CALCR: variants seen among roughly 807,000 people sequenced by gnomAD.
The protein encoded by CALCR is calcitonin receptor.
CALCR carries 47 observed loss-of-function variants against 59.5 expected under a neutral mutation model. The ratio of observed to expected loss-of-function variants is 0.79; its 90% CI spans 0.63 to 1.01. CALCR has a LOEUF of 1.01. CALCR is among the 50% of genes least tolerant of loss of function. The pLI, the probability that CALCR is intolerant of heterozygous loss-of-function variation, is 0.00. For synonymous variants in CALCR, 213 were observed against 211.3 expected (o/e 1.01, Z -0.07); for missense variants, 566 against 597.1 (o/e 0.95, Z 0.54).
At chr7:93,504,502 T>C (rs764735507) in intron 2 of CALCR, among the ~76,000 whole-genome samples, 2 of 152,088 alleles carry the variant, frequency 1.3e-5, no homozygotes, top group Non-Finnish European at 2.9e-5. Context: ...TCTTTTTCTT[T>C]CTCCCACCGT....
intron 2 of CALCR, among the ~76,000 whole-genome samples, chr7:93,508,838 T>C (rs1041156435): frequency 6.6e-6 from 1 of 152,162 alleles, no homozygotes; most frequent in African/African-American, 2.4e-5. Flanking sequence ...AAGATCTTAC[T>C]GTCCATGTAC....
intron 2 of CALCR, among the ~76,000 whole-genome samples, chr7:93,504,950 G>A (rs935845229): frequency 6.6e-6 from 1 of 152,078 alleles, no homozygotes; most frequent in Non-Finnish European, 1.5e-5. Context: ...TGAAGATGCT[G>A]CTGCAAAAAG....
chr7:93,561,812 C>G (rs1377047597), intron 2 of CALCR, among the ~76,000 whole-genome samples: 1 of 152,056 alleles, frequency 6.6e-6, no homozygotes, highest in Non-Finnish European at 1.5e-5. Context: ...GTGTGAGACC[C>G]TGAAAAATCA....
At chr7:93,537,453 C>T (rs1030115656) in intron 2 of CALCR, among the ~76,000 whole-genome samples, 4 of 151,700 alleles carry the variant, frequency 2.6e-5, no homozygotes, top group South Asian at 2.1e-4. Context: ...ATTTTTCTTT[C>T]ACTACGTTGC....
At chr7:93,519,204 A>G (rs1801708134) in intron 2 of CALCR, among the ~76,000 whole-genome samples, 1 of 152,028 alleles carries the variant, frequency 6.6e-6, no homozygotes, top group Non-Finnish European at 1.5e-5. Context: ...GTGAATTTAA[A>G]TTCTATAAAC....
intron 2 of CALCR, among the ~76,000 whole-genome samples, chr7:93,548,221 T>A (rs12670169): frequency 0.38 from 57,803 of 151,958 alleles, 12,153 homozygotes; most frequent in Non-Finnish European, 0.48. Context: ...AACAAAACAA[T>A]AGCCCACCTC....
intron 2 of CALCR, among the ~76,000 whole-genome samples, chr7:93,570,826 AT>A (rs747068070): frequency 6.6e-6 from 1 of 151,918 alleles, no homozygotes; most frequent in Non-Finnish European, 1.5e-5. Flanking sequence ...TCCCTGAAAC[AT>A]TTTTTTTCTT....
intron 7 of CALCR, among the ~76,000 whole-genome samples, chr7:93,464,134 T>C (rs1800394406): frequency 6.6e-6 from 1 of 151,556 alleles, no homozygotes; most frequent in African/African-American, 2.4e-5. Context: ...TTGTTTCAAG[T>C]TATTAGTACC....
chr7:93,456,064 C>T (rs79091104), intron 8 of CALCR, among the ~76,000 whole-genome samples: 38 of 152,184 alleles, frequency 2.5e-4, no homozygotes, highest in African/African-American at 8.2e-4. Context: ...CATTGGAAAA[C>T]GACTGTGTTA....
At chr7:93,547,874 G>T (rs931752928) in intron 2 of CALCR, among the ~76,000 whole-genome samples, 4 of 152,064 alleles carry the variant, frequency 2.6e-5, no homozygotes, top group Non-Finnish European at 2.9e-5. Flanking sequence ...GGGGTAGTTT[G>T]CCCCTAAAAA....
At chr7:93,491,036 A>G (rs1210830073) in intron 2 of CALCR, among the ~76,000 whole-genome samples, 1 of 152,102 alleles carries the variant, frequency 6.6e-6, no homozygotes, top group Non-Finnish European at 1.5e-5. Context: ...CCAAAACAGC[A>G]TGGCACTGGT....
chr7:93,477,508 A>G (rs762336728), intron 5 of CALCR, 50 bp downstream of exon 5: 1 of 1,296,892 alleles, frequency 7.7e-7, no homozygotes, highest in South Asian at 1.2e-5. Context: ...AAACCATGAA[A>G]ACTCTAAAAG....
At chr7:93,507,558 TC>T (rs1801450736) in intron 2 of CALCR, among the ~76,000 whole-genome samples, 1 of 150,936 alleles carries the variant, frequency 6.6e-6, no homozygotes, top group South Asian at 2.1e-4. Flanking sequence ...AAGAAACCTT[TC>T]CCTCCACCAC....
chr7:93,436,911 T>C (rs981034281), intron 11 of CALCR, among the ~76,000 whole-genome samples: 3 of 152,238 alleles, frequency 2.0e-5, no homozygotes, highest in Non-Finnish European at 4.4e-5. Context: ...CTCCTTCCTC[T>C]GCCCAAAAGT....
chr7:93,513,839 A>G (rs1220741411), intron 2 of CALCR, among the ~76,000 whole-genome samples: 2 of 150,242 alleles, frequency 1.3e-5, no homozygotes, highest in Admixed American at 1.3e-4. Flanking sequence ...ACAAATAAAC[A>G]TATAGATATT....
chr7:93,464,850 G>A (rs1365014526), intron 7 of CALCR, among the ~76,000 whole-genome samples: 1 of 151,854 alleles, frequency 6.6e-6, no homozygotes, highest in Non-Finnish European at 1.5e-5. Flanking sequence ...TACTACACAA[G>A]GTACAGATTC....
chr7:93,564,202 G>A (rs78996926), intron 2 of CALCR, among the ~76,000 whole-genome samples: 2 of 151,884 alleles, frequency 1.3e-5, no homozygotes, highest in Non-Finnish European at 2.9e-5. Context: ...TTTAATTTCC[G>A]AGAATCTACC....
intron 3 of CALCR, among the ~76,000 whole-genome samples, chr7:93,480,086 G>A (rs1800761200): frequency 6.6e-6 from 1 of 151,842 alleles, no homozygotes; most frequent in South Asian, 2.1e-4. Context: ...CAGATGACCT[G>A]TACAGGGCAA....
At chr7:93,445,369 C>T (rs960211212) in intron 8 of CALCR, among the ~76,000 whole-genome samples, 3 of 152,028 alleles carry the variant, frequency 2.0e-5, no homozygotes, top group East Asian at 1.9e-4. Context: ...TATTTAAAAG[C>T]CCTATTCTTT....
Sources: allele counts gnomAD v4.1 joint callset (sites outside exome capture counted in the v4.1 genomes callset), GRCh38; gene constraint gnomAD v4.1.1; transcripts MANE v1.5; gene names NCBI Gene and HGNC (gene_info 2026-07-23, HGNC 2026-07-21).